The following COQ8A variants were observed in gnomAD, a reference collection of about 807,000 sequenced individuals.
COQ8A encodes the protein coenzyme Q8A.
In COQ8A, 51 loss-of-function variants were observed where a neutral mutation model predicts 65.0. That is an observed-to-expected ratio of 0.78 (90% CI 0.63 to 0.99). COQ8A has a LOEUF of 0.99. Among genes scored for constraint, COQ8A ranks in the 50% least tolerant of loss-of-function variants. The probability of loss-of-function intolerance (pLI) is 0.00; values close to 1 mark genes in which losing one functional copy is unlikely to be tolerated. For missense variants in COQ8A, 940 were observed against 875.0 expected (o/e 1.07, Z -0.94); for synonymous variants, 371 against 353.2 (o/e 1.05, Z -0.57).
intron 11 of COQ8A, 98 bp from the exon 12 acceptor site, chr1:226,984,450 G>T: frequency 7.6e-7 from 1 of 1,322,974 alleles, no homozygotes; most frequent in Non-Finnish European, 1.1e-6. Flanking sequence ...CTAGGGTAGG[G>T]TGGGTAAAAC....
At chr1:226,982,369 G>C (rs1659751577) in intron 6 of COQ8A, 1 of 692,612 alleles carries the variant, frequency 1.4e-6, no homozygotes, top group African/African-American at 1.8e-5. Flanking sequence ...GCTCTCTACA[G>C]GTGGTCAGAA....
At chr1:226,974,022 AG>A (rs1410375106) in intron 4 of COQ8A, among the ~76,000 whole-genome samples, 1 of 152,154 alleles carries the variant, frequency 6.6e-6, no homozygotes, top group Admixed American at 6.5e-5. Flanking sequence ...CCAGCCTGCT[AG>A]GAAGGGCCCT....
Position 226,972,365 on chromosome 1 carries a change from G to T in COQ8A, c.656-5084G>T, listed in dbSNP as rs1658957603. On this transcript the variant is annotated intron_variant, in intron 4 of 14. Transcript: ENST00000366777. This position sits in a 1 kb window ranked among gnomAD's most constrained non-coding sequence, Gnocchi z 4.3. ...TAGAAAGGATTTTGAAATTTGACCT[G>T]TGAAAACAAGGAGATGCTCATATGA... is the stretch of plus-strand genomic sequence containing the variant. Among the ~76,000 whole-genome samples the T allele has an allele frequency of 6.6e-6, 1 of 152,154 alleles. No homozygotes were observed. Among genetic ancestry groups the T allele is most frequent in the Admixed American group, 6.5e-5 (1 of 15,276 alleles).
intron 6 of COQ8A, 122 bp downstream of exon 6, chr1:226,982,271 AGATCTTAGAAGAT>A (rs1247082837): frequency 1.4e-6 from 2 of 1,385,418 alleles, no homozygotes; most frequent in African/African-American, 2.9e-5. Flanking sequence ...GGCTGGGGAG[AGATCTTAGAAGAT>A]AATAGGCCTG....
intron 5 of COQ8A, among the ~76,000 whole-genome samples, chr1:226,978,347 C>A (rs1351989686): frequency 7.1e-6 from 1 of 141,360 alleles, no homozygotes; most frequent in Non-Finnish European, 1.6e-5. Flanking sequence ...TCCACCCACC[C>A]TCCACCCACC....
In COQ8A at chr1:226,944,835, C is replaced by T. The variant is rs180750938; in HGVS notation, c.-10+4436C>T. On this transcript the variant is annotated intron_variant, in intron 1 of 14. Transcript: ENST00000366777. ...AGGGAGGCAGGAAGGTAGGTGTTTC[C>T]GGGTCATTTGGAAAAGCCCAGTCCC... 1.1e-3 allele frequency among the ~76,000 whole-genome samples: 165 copies of T among 150,462 alleles called. 1 individual carries two copies. Among genetic ancestry groups the T allele is most frequent in the African/African-American group, 3.9e-3 (160 of 40,912 alleles).
At chr1:226,955,850 C>A (rs1657695634) in intron 1 of COQ8A, among the ~76,000 whole-genome samples, 1 of 123,182 alleles carries the variant, frequency 8.1e-6, no homozygotes, top group Non-Finnish European at 1.7e-5. Flanking sequence ...TCACACTCTC[C>A]CTGGCTCTCA....
At chr1:226,956,785 C>T (rs1424621028) in intron 1 of COQ8A, among the ~76,000 whole-genome samples, 2 of 126,722 alleles carry the variant, frequency 1.6e-5, no homozygotes, top group African/African-American at 3.2e-5. Context: ...CCCTGGCTCC[C>T]ACTCTCCCTC....
chr1:226,971,746 G>A (rs1658923131), intron 4 of COQ8A, among the ~76,000 whole-genome samples: 1 of 151,912 alleles, frequency 6.6e-6, no homozygotes, highest in Non-Finnish European at 1.5e-5. Flanking sequence ...TGAAAGTTAT[G>A]TCTTATTTCT....
chr1:226,961,058 A>G (rs1270360016), intron 1 of COQ8A, among the ~76,000 whole-genome samples: 5 of 152,180 alleles, frequency 3.3e-5, no homozygotes, highest in African/African-American at 1.2e-4. Flanking sequence ...GCTGCGAATC[A>G]TGAATCACGC....
At chr1:226,984,703 C>T (rs755271481) in intron 12 of COQ8A, 48 bp downstream of exon 12, 46 of 1,568,278 alleles carry the variant, frequency 2.9e-5, no homozygotes, top group Middle Eastern at 1.7e-4. Flanking sequence ...AGAGCTTCTC[C>T]GAATGGGGCA....
chr1:226,961,491 C>T lies in COQ8A; in HGVS notation c.106C>T (p.Leu36=), dbSNP rs774811481. ...GCAGCACTTGGGCATCGGAGGGGAG[C>T]TGATCATGGCGGCCAGGGCCCTGCA... ...HLQHLGIGGE[L]IMAARALQST... Residue 36 remains leucine, a synonymous_variant, in exon 2 of 15, where the codon CTG becomes TTG. Transcript: ENST00000366777. The T allele has an allele frequency of 6.2e-7, 1 of 1,613,938 alleles. No homozygotes were observed.
At chr1:226,948,348 T>C (rs561684209) in intron 1 of COQ8A, among the ~76,000 whole-genome samples, 1 of 152,320 alleles carries the variant, frequency 6.6e-6, no homozygotes, top group Non-Finnish European at 1.5e-5. Context: ...CCTGCCTCCC[T>C]CTTATATGGG....
rs1052549115 is a variant in COQ8A, at chr1:226,987,484, G to A, written c.*747G>A. On this transcript the variant is annotated 3_prime_UTR_variant, in exon 15 of 15. Coordinates refer to ENST00000366777, the MANE Select transcript of COQ8A (RefSeq NM_020247.5). ...ACAGGCGCTGTGAATTTTTGTACAA[G>A]TCTTGTAATTATCGAATCAACAACT... is the stretch of plus-strand genomic sequence containing the variant. 9.2e-5 allele frequency: 14 copies of A among 152,310 alleles called. No homozygotes were observed. Among genetic ancestry groups the A allele is most frequent in the African/African-American group, 3.4e-4 (14 of 41,468 alleles). The allele number at this position is 152,310 out of a possible 1,614,324, so 9.4% of individuals were successfully genotyped here. A position where few individuals can be genotyped will look rare whatever the true frequency, so the allele number is the denominator to read the frequency against.
chr1:226,981,337 C>G (rs979591711), intron 5 of COQ8A, among the ~76,000 whole-genome samples: 1 of 152,230 alleles, frequency 6.6e-6, no homozygotes, highest in African/African-American at 2.4e-5. Flanking sequence ...TTCTGCTGCT[C>G]CTGAGTCGCG....
At position 226,984,535 on chromosome 1, in the gene COQ8A, G is replaced by A. The variant is rs73087649; in HGVS notation, c.1399-13G>A. On this transcript the variant is annotated splice_polypyrimidine_tract_variant and intron_variant, in intron 11 of 14. Coordinates refer to ENST00000366777, the MANE Select transcript of COQ8A (RefSeq NM_020247.5). The stretch of plus-strand genomic sequence containing the variant: ...TGGTGCTGCCTGACACAGACCCTTC[G>A]CGCTGTCCACAGATCTGCTACAACA... 327 of 1,605,088 alleles carry A rather than the reference G, an allele frequency of 2.0e-4. 5 individuals are homozygous for A. The Middle Eastern group carries it at 0.011, about 54-fold the overall frequency.
At chr1:226,980,527 G>C in intron 5 of COQ8A, among the ~76,000 whole-genome samples, 1 of 152,220 alleles carries the variant, frequency 6.6e-6, no homozygotes, top group East Asian at 1.9e-4. Context: ...AGTACCACAG[G>C]CCTAGGGGGC....
chr1:226,967,029 T>G (rs1439324668), intron 4 of COQ8A, among the ~76,000 whole-genome samples: 1 of 152,248 alleles, frequency 6.6e-6, no homozygotes. Flanking sequence ...TAGTATGAAG[T>G]GTCATCTATG....
intron 5 of COQ8A, among the ~76,000 whole-genome samples, chr1:226,978,671 T>TGCACA (rs1659468961): frequency 1.9e-5 from 1 of 53,140 alleles, no homozygotes; most frequent in African/African-American, 5.4e-5. Context: ...CCTGCCCACC[T>TGCACA]CCTTACACAC....
Sources: allele counts gnomAD v4.1 joint callset (sites outside exome capture counted in the v4.1 genomes callset), GRCh38; gene constraint gnomAD v4.1.1; non-coding constraint Gnocchi (gnomAD v3.1); transcripts MANE v1.5; gene names NCBI Gene and HGNC (gene_info 2026-07-23, HGNC 2026-07-21).